ATP8B1: variants seen among roughly 807,000 people sequenced by gnomAD.
The protein encoded by ATP8B1 is ATPase phospholipid transporting 8B1, also known as phospholipid-transporting ATPase IC.
ATP8B1 carries 80 observed loss-of-function variants against 149.9 expected under a neutral mutation model. That is an observed-to-expected ratio of 0.53 (90% CI 0.45 to 0.64). The LOEUF is 0.64. Among genes scored for constraint, ATP8B1 ranks in the 30% least tolerant of loss-of-function variants. The pLI is 0.00. For missense variants in ATP8B1, 1,247 were observed against 1,552.6 expected (o/e 0.80, Z 3.31); for synonymous variants, 536 against 562.8 (o/e 0.95, Z 0.67).
chr18:57,692,371 C>T (rs2122874126), intron 11 of ATP8B1, among the ~76,000 whole-genome samples: 2 of 149,062 alleles, frequency 1.3e-5, no homozygotes, highest in Middle Eastern at 7.0e-3. Context: ...CATGAAACAA[C>T]TTCCAACAAG....
At chr18:57,654,361 C>T (rs1909845552) in intron 23 of ATP8B1, among the ~76,000 whole-genome samples, 2 of 151,744 alleles carry the variant, frequency 1.3e-5, no homozygotes, top group African/African-American at 2.4e-5. Context: ...CTCTGTCGCC[C>T]AGGCTGGAGT....
rs961005512 is a variant in ATP8B1 at position 57,704,808 on chromosome 18, G to A, written c.280-140C>T. On this transcript the variant is annotated intron_variant, in intron 3 of 27. Transcript: ENST00000648908. ...GAAAGATATTGAGGATTTTGTCTGG[G>A]TGCGGTGGCTTATGCCTGCAATCCC... 3 of 685,664 alleles carry A rather than the reference G, an allele frequency of 4.4e-6. No homozygotes were observed. The East Asian group carries it at 8.6e-5, about 20-fold the overall frequency. 42.5% of individuals were successfully genotyped at this position (685,664 alleles called of 1,614,324 possible). A position where few individuals can be genotyped will look rare whatever the true frequency, so the allele number is the denominator to read the frequency against.
At position 57,731,794 on chromosome 18, in the gene ATP8B1, C is replaced by T. The variant is rs960179853; in HGVS notation, c.14G>A (p.Arg5Lys). 9.3e-6 allele frequency: 15 copies of T among 1,613,948 alleles called. No homozygotes were observed. The highest frequency in any genetic ancestry group is 5.3e-5 in the African/African-American group (4 of 74,890). The stretch of plus-strand genomic sequence containing the variant: ...CTCGTCAAATGTCGTTTCTGAGTCT[C>T]TTTCTGTACTCATTCTGCTGGCAAA... Reference protein sequence around the residue: MSTERDSETTFDEDS... With the variant: MSTEKDSETTFDEDS... The change falls in exon 2 of 28, where the codon AGA becomes AAA. Residue 5 changes from arginine to lysine, a missense_variant. Coordinates refer to ENST00000648908, the MANE Select transcript of ATP8B1 (RefSeq NM_001374385.1).
chr18:57,785,275 A>G (rs1599236783), intron 1 of ATP8B1, among the ~76,000 whole-genome samples: 2 of 152,226 alleles, frequency 1.3e-5, no homozygotes, highest in African/African-American at 4.8e-5. Flanking sequence ...TTTCCCCTGT[A>G]TGTAAATATT....
Position 57,802,327 on chromosome 18 carries a change from G to C in ATP8B1, c.-26+671C>G, listed in dbSNP as rs888643755. ...AGGAGATGCCTGCAGCCATCTCAGCGGGGCTGGCGGACGCGACCCGACAGT... is the reference window on the plus strand; with the variant it reads ...AGGAGATGCCTGCAGCCATCTCAGCCGGGCTGGCGGACGCGACCCGACAGT... On this transcript the variant is annotated intron_variant, in intron 1 of 27. Transcript: ENST00000648908. This position sits in a 1 kb window ranked among gnomAD's most constrained non-coding sequence, Gnocchi z 4.9. 6.6e-6 allele frequency among the ~76,000 whole-genome samples: 1 copy of C among 152,164 alleles called. No individual in the cohort carries two copies. The highest frequency in any genetic ancestry group is 1.5e-5 in the Non-Finnish European group (1 of 68,030).
intron 1 of ATP8B1, among the ~76,000 whole-genome samples, chr18:57,787,741 T>C (rs1272205161): frequency 2.0e-5 from 3 of 152,248 alleles, no homozygotes; most frequent in African/African-American, 7.2e-5. Flanking sequence ...CCTCAGGGGT[T>C]AGATACCTTT....
rs192383472 is a variant in ATP8B1, at chr18:57,718,864, C to T, written c.182-12277G>A. Among the ~76,000 whole-genome samples the T allele has an allele frequency of 1.2e-4, 18 of 152,170 alleles. 1 individual carries two copies. The highest frequency in any genetic ancestry group is 1.2e-3 in the Admixed American group (18 of 15,272). Reference sequence around the variant, plus strand: ...AATCCTCAAAAAACTGGGTACAGAACAACATACCTCAGTATAATAAAAGCC... The same window carrying T: ...AATCCTCAAAAAACTGGGTACAGAATAACATACCTCAGTATAATAAAAGCC... On this transcript the variant is annotated intron_variant, in intron 2 of 27. Coordinates refer to ENST00000648908, the MANE Select transcript of ATP8B1 (RefSeq NM_001374385.1).
chr18:57,658,627 TTGTGTG>T (rs71171058), intron 22 of ATP8B1, among the ~76,000 whole-genome samples: 3,822 of 145,032 alleles, frequency 0.026, 105 homozygotes, highest in African/African-American at 0.072. Context: ...AACAATTTCT[TTGTGTG>T]TGTGTGTGTG....
chr18:57,704,028 G>C (rs918103337), intron 4 of ATP8B1, among the ~76,000 whole-genome samples: 13 of 152,112 alleles, frequency 8.5e-5, no homozygotes, highest in Non-Finnish European at 1.9e-4. Flanking sequence ...GTGCAATGGT[G>C]TGATCTCGGC....
intron 19 of ATP8B1, chr18:57,668,201 G>A: frequency 6.9e-7 from 1 of 1,441,528 alleles, no homozygotes; most frequent in Non-Finnish European, 9.2e-7. Flanking sequence ...GCAAGACATG[G>A]CCAGGAGCTA....
At chr18:57,761,102 TAAAATAAAATATAAAATAAA>T (rs1568059289) in intron 1 of ATP8B1, among the ~76,000 whole-genome samples, 2,020 of 100,526 alleles carry the variant, frequency 0.02, 28 homozygotes, top group Middle Eastern at 0.073. Context: ...AAATAAAAAA[TAAAATAAAATATAAAATAAA>T]ATAAAATAAA....
At chr18:57,692,382 G>A (rs995024442) in intron 11 of ATP8B1, among the ~76,000 whole-genome samples, 16 of 150,678 alleles carry the variant, frequency 1.1e-4, no homozygotes, top group South Asian at 4.2e-4. Context: ...TTCCAACAAG[G>A]CTGAACTGGA....
At chr18:57,730,802 C>CATATAT (rs927338067) in intron 2 of ATP8B1, among the ~76,000 whole-genome samples, 172 of 10,990 alleles carry the variant, frequency 0.016, no homozygotes, top group African/African-American at 0.032. Flanking sequence ...AGACCATATA[C>CATATAT]ATATATATAT....
chr18:57,668,239 G>C, intron 19 of ATP8B1, 190 bp downstream of exon 19: 1 of 1,426,632 alleles, frequency 7.0e-7, no homozygotes, highest in Non-Finnish European at 9.4e-7. Flanking sequence ...TGCTACTGAG[G>C]GGGATCAGGA....
Position 57,705,369 on chromosome 18 carries a change from G to A in ATP8B1, c.280-701C>T, listed in dbSNP as rs369205101. ...AGAAAGAGCAAAAGGTACTGTAGTG[G>A]GTTGCATTGTGTCCTGCAAAAGATA... On this transcript the variant is annotated intron_variant, in intron 3 of 27. Coordinates refer to ENST00000648908, the MANE Select transcript of ATP8B1 (RefSeq NM_001374385.1). 2.5e-3 allele frequency among the ~76,000 whole-genome samples: 382 copies of A among 152,268 alleles called. 1 individual carries two copies. The highest frequency in any genetic ancestry group is 8.7e-3 in the African/African-American group (362 of 41,558).
chr18:57,680,933 C>T (rs1369456351), intron 15 of ATP8B1, among the ~76,000 whole-genome samples: 2 of 152,132 alleles, frequency 1.3e-5, no homozygotes, highest in Non-Finnish European at 2.9e-5. Flanking sequence ...TCTGTGCAGG[C>T]GGGAGTCTGC....
At chr18:57,704,188 G>A (rs1019319426) in intron 4 of ATP8B1, among the ~76,000 whole-genome samples, 1 of 152,048 alleles carries the variant, frequency 6.6e-6, no homozygotes, top group Non-Finnish European at 1.5e-5. Context: ...GGGTGGTCTG[G>A]AACTCCTCAC....
intron 1 of ATP8B1, among the ~76,000 whole-genome samples, chr18:57,756,129 T>C (rs1270234062): frequency 1.3e-5 from 2 of 148,960 alleles, no homozygotes; most frequent in Non-Finnish European, 3.0e-5. Context: ...TAGCACAGGA[T>C]CCAGTCTAGA....
intron 1 of ATP8B1, chr18:57,735,503 A>T (rs542045688): frequency 1.3e-5 from 2 of 151,210 alleles, no homozygotes; most frequent in African/African-American, 4.8e-5. Context: ...GTCAGAGAAC[A>T]CGAGGCTTGC....
Sources: allele counts gnomAD v4.1 joint callset (sites outside exome capture counted in the v4.1 genomes callset), GRCh38; gene constraint gnomAD v4.1.1; non-coding constraint Gnocchi (gnomAD v3.1); transcripts MANE v1.5; gene names NCBI Gene and HGNC (gene_info 2026-07-23, HGNC 2026-07-21).